LRP1B: variants seen among roughly 807,000 people sequenced by gnomAD.
The protein encoded by LRP1B is low-density lipoprotein receptor-related protein 1B.
LRP1B carries 217 observed loss-of-function variants against 556.6 expected under a neutral mutation model. The ratio of observed to expected loss-of-function variants is 0.39; its 90% CI spans 0.35 to 0.44. The LOEUF (loss-of-function observed/expected upper bound fraction) is 0.44, where lower values mean the gene tolerates loss of function less well. Ranked by LOEUF, LRP1B falls within the 20% of genes least tolerant of loss-of-function variation. LRP1B has a pLI of 1.00. For synonymous variants in LRP1B, 2,047 were observed against 1,865.8 expected, an observed-to-expected ratio of 1.10 and a Z score of -2.50; for missense variants, 5,053 against 5,620.8, an observed-to-expected ratio of 0.90 and a Z score of 3.23.
intron 3 of LRP1B, among the ~76,000 whole-genome samples, chr2:141,422,104 G>A (rs1680167009): frequency 6.6e-6 from 1 of 152,138 alleles, no homozygotes; most frequent in South Asian, 2.1e-4. Flanking sequence ...ATCTTACTGT[G>A]ACTCAGTGAC....
intron 3 of LRP1B, among the ~76,000 whole-genome samples, chr2:141,365,317 C>T (rs1437808939): frequency 6.6e-6 from 1 of 152,088 alleles, no homozygotes; most frequent in African/African-American, 2.4e-5. Context: ...CCCACTTCGG[C>T]CTCCCAAAGT....
intron 3 of LRP1B, among the ~76,000 whole-genome samples, chr2:141,402,895 T>C (rs952699788): frequency 2.0e-5 from 3 of 152,120 alleles, no homozygotes; most frequent in African/African-American, 7.2e-5. Flanking sequence ...GACATTTGGA[T>C]GAGAACTCCT....
intron 25 of LRP1B, among the ~76,000 whole-genome samples, chr2:140,881,350 G>A (rs1693468628): frequency 6.6e-6 from 1 of 151,600 alleles, no homozygotes; most frequent in African/African-American, 2.4e-5. Flanking sequence ...ACTAACCTCA[G>A]AACTGTTTAT....
At chr2:141,378,338 CA>C (rs1346276159) in intron 3 of LRP1B, among the ~76,000 whole-genome samples, 1 of 152,006 alleles carries the variant, frequency 6.6e-6, no homozygotes, top group Non-Finnish European at 1.5e-5. Context: ...GAGGTAAAGG[CA>C]ACCACGAGTA....
In LRP1B at chr2:141,084,713, G is replaced by A. The variant is rs1055347341; in HGVS notation, c.1014-22440C>T. 4.7e-5 allele frequency among the ~76,000 whole-genome samples: 7 copies of A among 149,846 alleles called. No individual in the cohort carries two copies. The East Asian group carries it at 9.9e-4, about 21-fold the overall frequency. On this transcript the variant is annotated intron_variant, in intron 7 of 90. Transcript: ENST00000389484. ...CCCCCAGACTGGAGTGCAGTGGTGC[G>A]ATCTCGGCTCACTGCAAGCTCCGCT...
At chr2:140,760,346 C>A (rs1192576772) in intron 35 of LRP1B, among the ~76,000 whole-genome samples, 1 of 152,158 alleles carries the variant, frequency 6.6e-6, no homozygotes, top group Non-Finnish European at 1.5e-5. Flanking sequence ...TTGGCAGCAT[C>A]CCTGGCTTTC....
chr2:141,319,346 C>A (rs1381927189), intron 3 of LRP1B, among the ~76,000 whole-genome samples: 1 of 125,408 alleles, frequency 8.0e-6, no homozygotes, highest in Admixed American at 9.1e-5. Context: ...TTGAAATGTT[C>A]CTCAGGACAT....
chr2:140,436,468 A>C (rs953369573), intron 66 of LRP1B, among the ~76,000 whole-genome samples: 1 of 152,192 alleles, frequency 6.6e-6, no homozygotes, highest in African/African-American at 2.4e-5. Flanking sequence ...TATCCTGAGA[A>C]ATAGTGATTC....
intron 18 of LRP1B, among the ~76,000 whole-genome samples, chr2:140,968,209 C>A (rs1216394072): frequency 1.3e-5 from 2 of 151,658 alleles, no homozygotes; most frequent in Non-Finnish European, 2.9e-5. Flanking sequence ...AATTTCAGAG[C>A]CTGTTATTGG....
chr2:141,577,453 A>G (rs1280572860), intron 2 of LRP1B, among the ~76,000 whole-genome samples: 1 of 152,216 alleles, frequency 6.6e-6, no homozygotes, highest in Non-Finnish European at 1.5e-5. Context: ...TAGATGGGAA[A>G]TTGAATTACA....
chr2:140,889,661 T>C (rs763906726), intron 23 of LRP1B, among the ~76,000 whole-genome samples: 1 of 152,156 alleles, frequency 6.6e-6, no homozygotes, highest in Non-Finnish European at 1.5e-5. Context: ...GTGGGTGATG[T>C]TGTTACCCCC....
chr2:141,639,700 C>T (rs1374534168), intron 2 of LRP1B, among the ~76,000 whole-genome samples: 3 of 151,952 alleles, frequency 2.0e-5, no homozygotes, highest in African/African-American at 4.8e-5. Flanking sequence ...TTGTTTTCTT[C>T]ATTAGCTTTC....
intron 1 of LRP1B, among the ~76,000 whole-genome samples, chr2:142,085,802 T>A (rs763604846): frequency 1.3e-5 from 2 of 152,180 alleles, no homozygotes; most frequent in Non-Finnish European, 2.9e-5. Context: ...GTGGTTTGAC[T>A]ATGTAAATAT....
chr2:142,012,739 T>C (rs1702995325), intron 1 of LRP1B, among the ~76,000 whole-genome samples: 1 of 152,190 alleles, frequency 6.6e-6, no homozygotes, highest in Non-Finnish European at 1.5e-5. Flanking sequence ...ACAGAATTTG[T>C]AATCTACTCT....
At chr2:141,519,389 AT>A (rs1559118131) in intron 2 of LRP1B, among the ~76,000 whole-genome samples, 1 of 21,502 alleles carries the variant, frequency 4.7e-5, no homozygotes. Flanking sequence ...ATATATATAT[AT>A]ATATATATAT....
At chr2:140,503,166 C>T (rs2104897049) in intron 53 of LRP1B, 63 bp from the exon 54 acceptor site, 2 of 1,421,790 alleles carry the variant, frequency 1.4e-6, no homozygotes, top group South Asian at 1.2e-5. Context: ...AACGTCATCT[C>T]CTCAATGTAC....
intron 1 of LRP1B, among the ~76,000 whole-genome samples, chr2:142,108,583 C>G (rs559997224): frequency 1.3e-5 from 2 of 152,234 alleles, no homozygotes; most frequent in African/African-American, 4.8e-5. Flanking sequence ...GTTCTAATAT[C>G]CTATATTTGC....
chr2:141,264,825 G>A (rs916535016), intron 3 of LRP1B, among the ~76,000 whole-genome samples: 1 of 152,082 alleles, frequency 6.6e-6, no homozygotes, highest in African/African-American at 2.4e-5. Flanking sequence ...AAAGTAATGA[G>A]GCCATTTGCT....
chr2:141,579,855 A>ACAC (rs1366970039), intron 2 of LRP1B, among the ~76,000 whole-genome samples: 1 of 149,580 alleles, frequency 6.7e-6, no homozygotes, highest in African/African-American at 2.5e-5. Flanking sequence ...ACCCACCACC[A>ACAC]CACCCGGCTA....
Sources: gnomAD v4.1 joint callset for allele counts (sites outside exome capture counted in the v4.1 genomes callset) on GRCh38, gnomAD v4.1.1 for gene constraint, MANE v1.5 for transcripts, NCBI Gene and HGNC (gene_info 2026-07-23, HGNC 2026-07-21) for gene names.